OTOF: variants seen among roughly 807,000 people sequenced by gnomAD.
OTOF encodes otoferlin.
A neutral mutation model predicts 236.8 loss-of-function variants in OTOF; 218 were observed. The ratio of observed to expected loss-of-function variants is 0.92; its 90% CI spans 0.82 to 1.03. The LOEUF is 1.03. Ranked by LOEUF, OTOF falls within the 50% of genes least tolerant of loss-of-function variation. The probability of loss-of-function intolerance (pLI) is 0.00; values close to 1 mark genes in which losing one functional copy is unlikely to be tolerated. For missense variants in OTOF, 2,590 were observed against 2,694.4 expected (o/e 0.96, Z 0.86); for synonymous variants, 1,041 against 1,072.5 (o/e 0.97, Z 0.57).
intron 5 of OTOF, among the ~76,000 whole-genome samples, chr2:26,508,315 T>C (rs1666300895): frequency 6.6e-6 from 1 of 152,256 alleles, no homozygotes; most frequent in African/African-American, 2.4e-5. Context: ...TTAAAAATTT[T>C]CCATGCCCCA....
rs1385247703 is a variant in OTOF, at chr2:26,470,056, G to T, written c.4023+537C>A. ...ATAGGGGAAGAATCATTCACGTGCCGATGACCAAGATGTGTAAAATAAAAC... is the reference window on the plus strand; with the variant it reads ...ATAGGGGAAGAATCATTCACGTGCCTATGACCAAGATGTGTAAAATAAAAC... On this transcript the variant is annotated intron_variant, in intron 32 of 46. Coordinates refer to ENST00000272371, the MANE Select transcript of OTOF (RefSeq NM_194248.3). The surrounding 1 kb of genome is among the most constrained non-coding windows in gnomAD (Gnocchi z 4.3). 6.6e-6 allele frequency among the ~76,000 whole-genome samples: 1 copy of T among 152,184 alleles called. No individual in the cohort carries two copies. Among genetic ancestry groups the T allele is most frequent in the Non-Finnish European group, 1.5e-5 (1 of 68,036 alleles).
At chr2:26,480,124 C>A (rs1184567329) in intron 16 of OTOF, 79 bp downstream of exon 16, 6 of 834,426 alleles carry the variant, frequency 7.2e-6, no homozygotes, top group Admixed American at 3.4e-5. Context: ...CTCACACTTA[C>A]CACCTGCAGC....
At chr2:26,501,256 T>C (rs1206916615) in intron 8 of OTOF, among the ~76,000 whole-genome samples, 1 of 152,174 alleles carries the variant, frequency 6.6e-6, no homozygotes, top group East Asian at 1.9e-4. Context: ...AAAAAAGTTG[T>C]GTTAATCTCA....
At chr2:26,464,314 C>G (rs962899817) in intron 39 of OTOF, among the ~76,000 whole-genome samples, 1 of 151,944 alleles carries the variant, frequency 6.6e-6, no homozygotes, top group East Asian at 1.9e-4. Context: ...GAGGTCTGTG[C>G]CCTTGGTCCT....
intron 3 of OTOF, 135 bp from the exon 4 acceptor site, chr2:26,519,244 G>T: frequency 1.5e-6 from 1 of 681,082 alleles, no homozygotes; most frequent in Non-Finnish European, 2.6e-6. Context: ...GGCTGGAGAA[G>T]GTGGCCCAGG....
At chr2:26,469,831 C>G (rs115868707) in intron 32 of OTOF, among the ~76,000 whole-genome samples, 79 of 152,286 alleles carry the variant, frequency 5.2e-4, no homozygotes, top group African/African-American at 1.9e-3. Context: ...ACAGAAAGGG[C>G]CTGGGAGAGG....
At chr2:26,551,391 G>A (rs535531866) in intron 1 of OTOF, among the ~76,000 whole-genome samples, 1 of 152,154 alleles carries the variant, frequency 6.6e-6, no homozygotes, top group African/African-American at 2.4e-5. Flanking sequence ...ACTCACTTCC[G>A]GGCTCTAGGG....
At chr2:26,538,277 C>A (rs1465575616) in intron 1 of OTOF, among the ~76,000 whole-genome samples, 1 of 152,240 alleles carries the variant, frequency 6.6e-6, no homozygotes, top group Non-Finnish European at 1.5e-5. Context: ...AGGCCCCCAA[C>A]AACAAGTCAG....
At position 26,477,116 on chromosome 2, in the gene OTOF, G is replaced by T; in HGVS notation, c.2523+56C>A. ...TCCTGATTGAGCCCCCTGATCCTGA[G>T]GGGCCCCAGAGAGCCAGCCCTGGAT... On this transcript the variant is annotated intron_variant, in intron 21 of 46. Transcript: ENST00000272371. This position sits in a 1 kb window ranked among gnomAD's most constrained non-coding sequence, Gnocchi z 4.7. 6.3e-7 allele frequency: 1 copy of T among 1,580,436 alleles called. No homozygotes were observed.
intron 39 of OTOF, among the ~76,000 whole-genome samples, 189 bp from the exon 40 acceptor site, chr2:26,464,295 G>A (rs1664625913): frequency 6.6e-6 from 1 of 152,074 alleles, no homozygotes; most frequent in South Asian, 2.1e-4. Context: ...CTGCCCCACA[G>A]GGCCAAGAGA....
At chr2:26,544,559 C>T (rs1160985928) in intron 1 of OTOF, among the ~76,000 whole-genome samples, 1 of 152,170 alleles carries the variant, frequency 6.6e-6, no homozygotes. Flanking sequence ...CATGCCTATA[C>T]CACAACTTCT....
chr2:26,522,466 C>T (rs1209102893), intron 3 of OTOF, among the ~76,000 whole-genome samples: 1 of 152,164 alleles, frequency 6.6e-6, no homozygotes. Flanking sequence ...GTAGGAGAAG[C>T]CCCTGGCTCT....
chr2:26,549,523 C>T (rs1667409163), intron 1 of OTOF, among the ~76,000 whole-genome samples: 1 of 152,194 alleles, frequency 6.6e-6, no homozygotes, highest in Admixed American at 6.5e-5. Context: ...AAAAGGTTAC[C>T]CCTTCCATTT....
intron 5 of OTOF, chr2:26,510,816 G>T (rs2148090230): frequency 9.1e-7 from 1 of 1,101,792 alleles, no homozygotes; most frequent in Non-Finnish European, 1.2e-6. Context: ...AGAGACACTG[G>T]CCTCAGCCCC....
intron 25 of OTOF, among the ~76,000 whole-genome samples, chr2:26,475,051 G>A (rs1357181194): frequency 2.0e-5 from 3 of 152,078 alleles, no homozygotes; most frequent in Admixed American, 1.3e-4. Flanking sequence ...GGTAGGTGAG[G>A]GCAGGGGTCG....
Position 26,476,192 on chromosome 2 carries a change from C to T in OTOF, c.2802G>A (p.Gln934=). ...EFLCGLPCGF[Q]EVKAAQGLGL... ...CCAGGCCCTGGGCTGCCTTGACCTC[C>T]TGGAAGCCACAGGGCAGGCCGCACA... The change falls in exon 23 of 47, where the codon CAG becomes CAA. Residue 934 remains glutamine, a synonymous_variant. Transcript: ENST00000272371. The T allele has an allele frequency of 6.2e-7, 1 of 1,610,840 alleles. No homozygotes were observed. The highest frequency in any genetic ancestry group is 8.5e-7 in the Non-Finnish European group (1 of 1,179,768).
At chr2:26,504,127 C>T (rs1231345608) in intron 5 of OTOF, among the ~76,000 whole-genome samples, 1 of 152,074 alleles carries the variant, frequency 6.6e-6, no homozygotes, top group African/African-American at 2.4e-5. Flanking sequence ...GGTCTTGAGC[C>T]GGAAAGAGCC....
At position 26,462,342 on chromosome 2, in the gene OTOF, C is replaced by A. The variant is rs1664506584; in HGVS notation, c.5193-161G>T. ...GAGGAGTGGTTTGGGGTTGGGGGAG[C>A]AGAGGCATGAGTGAGAAGGCCCACC... On this transcript the variant is annotated intron_variant, in intron 41 of 46. Transcript: ENST00000272371. The surrounding 1 kb of genome is among the most constrained non-coding windows in gnomAD (Gnocchi z 4.7). 6.6e-6 allele frequency among the ~76,000 whole-genome samples: 1 copy of A among 151,480 alleles called. No homozygotes were observed. Among genetic ancestry groups the A allele is most frequent in the South Asian group, 2.1e-4 (1 of 4,780 alleles).
Position 26,477,981 on chromosome 2 carries a change from C to G in OTOF, c.2215-232G>C. 3.4e-6 allele frequency: 5 copies of G among 1,462,670 alleles called. No individual in the cohort carries two copies. The highest frequency in any genetic ancestry group is 4.5e-6 in the Non-Finnish European group (5 of 1,109,064). 90.6% of individuals were successfully genotyped at this position (1,462,670 alleles called of 1,614,324 possible). On this transcript the variant is annotated intron_variant, in intron 18 of 46. Coordinates refer to ENST00000272371, the MANE Select transcript of OTOF (RefSeq NM_194248.3). The surrounding 1 kb of genome is among the most constrained non-coding windows in gnomAD (Gnocchi z 4.7). ...GTTCTTCAGTTCCTGAAGGAAGAAG[C>G]CACCTCTGGGCTGTGAGTCTGTGGC...
Sources: allele counts gnomAD v4.1 joint callset (sites outside exome capture counted in the v4.1 genomes callset), GRCh38; gene constraint gnomAD v4.1.1; non-coding constraint Gnocchi (gnomAD v3.1); transcripts MANE v1.5; gene names NCBI Gene and HGNC (gene_info 2026-07-23, HGNC 2026-07-21).